The following XPR1 variants were observed in gnomAD, a reference collection of about 807,000 sequenced individuals.
XPR1 encodes solute carrier family 53 member 1.
XPR1 carries 28 observed loss-of-function variants against 87.5 expected under a neutral mutation model. The ratio of observed to expected loss-of-function variants is 0.32; its 90% confidence interval spans 0.24 to 0.44. The LOEUF (loss-of-function observed/expected upper bound fraction) is 0.44. Ranked by LOEUF, XPR1 falls within the 20% of genes least tolerant of loss-of-function variation. The pLI, the probability that XPR1 is intolerant of heterozygous loss-of-function variation, is 1.00. For synonymous variants in XPR1, 300 were observed against 306.1 expected (o/e 0.98, Z 0.21); for missense variants, 559 against 862.3 (o/e 0.65, Z 4.41).
intron 1 of XPR1, among the ~76,000 whole-genome samples, chr1:180,637,030 A>C (rs1654801594): frequency 6.8e-6 from 1 of 146,194 alleles, no homozygotes. Flanking sequence ...CCAGCCTGGC[A>C]ACAGAGTAAG....
intron 2 of XPR1, among the ~76,000 whole-genome samples, chr1:180,740,454 A>G (rs1658877999): frequency 6.6e-6 from 1 of 151,632 alleles, no homozygotes; most frequent in African/African-American, 2.4e-5. Context: ...TGTAATTTAG[A>G]TTACATTTTT....
At chr1:180,877,900 A>G (rs923421118) in intron 13 of XPR1, 1 of 148,876 alleles carries the variant, frequency 6.7e-6, no homozygotes, top group African/African-American at 2.5e-5. Flanking sequence ...AAATAAGACG[A>G]TATAAAGATA....
At chr1:180,794,255 T>C (rs1649492118) in intron 3 of XPR1, among the ~76,000 whole-genome samples, 1 of 152,204 alleles carries the variant, frequency 6.6e-6, no homozygotes, top group Non-Finnish European at 1.5e-5. Context: ...CTGTAGGCAA[T>C]TGTAAAACAA....
chr1:180,688,289 A>C (rs1339193240), intron 2 of XPR1, among the ~76,000 whole-genome samples: 1 of 150,640 alleles, frequency 6.6e-6, no homozygotes, highest in Admixed American at 6.6e-5. Flanking sequence ...CAGTTTTGCC[A>C]TGTTGGCCAG....
At chr1:180,726,494 C>T (rs574753295) in intron 2 of XPR1, among the ~76,000 whole-genome samples, 6 of 152,312 alleles carry the variant, frequency 3.9e-5, no homozygotes, top group South Asian at 2.1e-4. Context: ...GAACCAGCTG[C>T]GGAAACTCCG....
chr1:180,745,815 T>C (rs1014382374), intron 2 of XPR1, among the ~76,000 whole-genome samples: 3 of 152,216 alleles, frequency 2.0e-5, no homozygotes, highest in African/African-American at 7.2e-5. Flanking sequence ...CTTAAGAGTC[T>C]TCACATAGTT....
At chr1:180,857,006 A>T (rs1362511215) in intron 11 of XPR1, among the ~76,000 whole-genome samples, 1 of 152,234 alleles carries the variant, frequency 6.6e-6, no homozygotes, top group Non-Finnish European at 1.5e-5. Context: ...GAAACAAAAA[A>T]CTGTGAAGGA....
At chr1:180,770,156 T>A (rs1449363293) in intron 2 of XPR1, among the ~76,000 whole-genome samples, 1 of 152,220 alleles carries the variant, frequency 6.6e-6, no homozygotes, top group Non-Finnish European at 1.5e-5. Flanking sequence ...TATTTTGTTT[T>A]ATGTTTTTGT....
chr1:180,702,234 T>G (rs6425652), intron 2 of XPR1, among the ~76,000 whole-genome samples: 33,587 of 97,412 alleles, frequency 0.34, 5,232 homozygotes, highest in African/African-American at 0.36. Context: ...AGTTTCCATG[T>G]AGTTGAGCGG....
At chr1:180,818,847 C>T (rs1650510182) in intron 7 of XPR1, among the ~76,000 whole-genome samples, 1 of 152,112 alleles carries the variant, frequency 6.6e-6, no homozygotes, top group Non-Finnish European at 1.5e-5. Context: ...CATTGTATTG[C>T]TTATATATGC....
intron 1 of XPR1, among the ~76,000 whole-genome samples, chr1:180,655,459 G>T (rs559778781): frequency 6.7e-6 from 1 of 148,200 alleles, no homozygotes; most frequent in East Asian, 2.0e-4. Context: ...GAAGTGTGGT[G>T]GTGCGATCTT....
chr1:180,878,063 C>G (rs1652717332), intron 13 of XPR1: 2 of 152,248 alleles, frequency 1.3e-5, no homozygotes, highest in Admixed American at 6.6e-5. Flanking sequence ...GACCAGTGCT[C>G]CTTCCCTTCC....
intron 2 of XPR1, among the ~76,000 whole-genome samples, chr1:180,692,006 C>T (rs1050077593): frequency 6.6e-6 from 1 of 152,088 alleles, no homozygotes; most frequent in African/African-American, 2.4e-5. Context: ...TGTCCCCTCT[C>T]CCCAGTTTCC....
chr1:180,670,814 G>T (rs1406977696), intron 1 of XPR1, among the ~76,000 whole-genome samples: 4 of 152,126 alleles, frequency 2.6e-5, no homozygotes, highest in African/African-American at 9.7e-5. Context: ...AACTTCTTCA[G>T]CTGTTTGAGA....
chr1:180,745,450 A>C (rs1170482602), intron 2 of XPR1, among the ~76,000 whole-genome samples: 1 of 152,174 alleles, frequency 6.6e-6, no homozygotes, highest in African/African-American at 2.4e-5. Context: ...TCTGGGGAGT[A>C]CTACTTCGCT....
chr1:180,854,277 C>T (rs747569249), intron 11 of XPR1, among the ~76,000 whole-genome samples: 6 of 152,230 alleles, frequency 3.9e-5, no homozygotes, highest in Non-Finnish European at 8.8e-5. Flanking sequence ...AAACCAAATA[C>T]ATAGGCTTCA....
chr1:180,748,762 T>G (rs1444594176), intron 2 of XPR1, among the ~76,000 whole-genome samples: 1 of 152,322 alleles, frequency 6.6e-6, no homozygotes, highest in East Asian at 1.9e-4. Context: ...TATAAAGATG[T>G]GCTGCTTGCA....
At position 180,730,394 on chromosome 1, in the gene XPR1, ATTTG is replaced by A. The variant is rs369716284; in HGVS notation, c.121+47987_121+47990del. Among the ~76,000 whole-genome samples the A allele has an allele frequency of 3.9e-3, 588 of 152,318 alleles. 1 individual carries two copies. Among genetic ancestry groups the A allele is most frequent in the African/African-American group, 0.013 (553 of 41,568 alleles). On this transcript the variant is annotated intron_variant, in intron 2 of 14. Coordinates refer to ENST00000367590, the MANE Select transcript of XPR1 (RefSeq NM_004736.4). ...ATTTATAGAGAAACCTTTATGATGA[ATTTG>A]TTTATCAGTATATTAGCAAATATTT...
chr1:180,834,782 A>C, intron 9 of XPR1, 92 bp from the exon 10 acceptor site: 2 of 1,367,712 alleles, frequency 1.5e-6, no homozygotes, highest in Non-Finnish European at 2.0e-6. Context: ...TTTATCAACT[A>C]AAGTAATCAT....
Sources: allele counts gnomAD v4.1 joint callset (sites outside exome capture counted in the v4.1 genomes callset), GRCh38; gene constraint gnomAD v4.1.1; transcripts MANE v1.5; gene names NCBI Gene and HGNC (gene_info 2026-07-23, HGNC 2026-07-21).